NELL2: variants seen among roughly 807,000 people sequenced by gnomAD.
The protein encoded by NELL2 is protein kinase C-binding protein NELL2.
A neutral mutation model predicts 109.6 loss-of-function variants in NELL2; 41 were observed. That is an observed-to-expected ratio of 0.37 (90% CI 0.29 to 0.49). The LOEUF (loss-of-function observed/expected upper bound fraction) is 0.49, where lower values mean the gene tolerates loss of function less well. NELL2 is among the 20% of genes least tolerant of loss of function. The pLI, the probability that NELL2 is intolerant of heterozygous loss-of-function variation, is 0.98. For synonymous variants in NELL2, 355 were observed against 344.7 expected (o/e 1.03, Z -0.33); for missense variants, 900 against 1,008.3 (o/e 0.89, Z 1.45).
At chr12:44,742,733 G>A (rs34985115) in intron 9 of NELL2, among the ~76,000 whole-genome samples, 19,661 of 152,140 alleles carry the variant, frequency 0.13, 1,495 homozygotes, top group East Asian at 0.21. Context: ...GAAATGAAGC[G>A]AGAAGAGAAG....
chr12:44,773,029 T>G (rs952247888), intron 9 of NELL2, among the ~76,000 whole-genome samples: 1 of 152,248 alleles, frequency 6.6e-6, no homozygotes, highest in Non-Finnish European at 1.5e-5. Context: ...AGGCAAATGG[T>G]AAGATGAGAA....
At chr12:44,756,977 T>C (rs1940917566) in intron 9 of NELL2, among the ~76,000 whole-genome samples, 1 of 152,184 alleles carries the variant, frequency 6.6e-6, no homozygotes, top group Admixed American at 6.5e-5. Context: ...TATTTCCTCT[T>C]AGATGTCTAT....
chr12:44,913,613 A>G (rs1456276678), intron 1 of NELL2, among the ~76,000 whole-genome samples: 1 of 152,174 alleles, frequency 6.6e-6, no homozygotes, highest in Non-Finnish European at 1.5e-5. Context: ...TGAATTTAGC[A>G]AAGAAATTCC....
At chr12:44,907,110 T>C (rs1379561100) in intron 1 of NELL2, among the ~76,000 whole-genome samples, 2 of 152,100 alleles carry the variant, frequency 1.3e-5, no homozygotes, top group African/African-American at 4.8e-5. Context: ...CCTGCCACCA[T>C]GTGAAGGTTT....
chr12:44,758,660 C>A (rs1236395690), intron 9 of NELL2, among the ~76,000 whole-genome samples: 1 of 152,086 alleles, frequency 6.6e-6, no homozygotes, highest in Non-Finnish European at 1.5e-5. Flanking sequence ...ACAGATGAAC[C>A]TTGCCCTGTA....
rs148234385 is a variant in NELL2, at chr12:44,646,887, G to C, written c.1444+18597C>G. Among the ~76,000 whole-genome samples the C allele has an allele frequency of 4.8e-4, 73 of 152,250 alleles. No individual in the cohort carries two copies. In the East Asian group the frequency reaches 0.01, roughly 21 times the overall value. On this transcript the variant is annotated intron_variant, in intron 13 of 19. Transcript: ENST00000429094. ...ACTACTTAAAAGCTTACAAATTTGG[G>C]ATGCTACTTGAACTTCTCTAGCTTC...
In NELL2 at chr12:44,779,902, C is replaced by T; in HGVS notation, c.456G>A (p.Lys152=). ...GGGAAGCACTGATGGCTAAGGAGAG[C>T]TTGTGCCACTTGTCATCAGCCAAAA... The part of the protein sequence containing the change: ...PYILADDKWH[K]LSLAISASHL... Residue 152 remains lysine, a synonymous_variant, in exon 4 of 20, where the codon AAG becomes AAA. Transcript: ENST00000429094. 6 of 1,613,916 alleles carry T rather than the reference C, an allele frequency of 3.7e-6. No homozygotes were observed. Among genetic ancestry groups the T allele is most frequent in the Non-Finnish European group, 5.1e-6 (6 of 1,179,810 alleles).
intron 12 of NELL2, among the ~76,000 whole-genome samples, chr12:44,692,379 T>A (rs1346763700): frequency 6.6e-6 from 1 of 152,158 alleles, no homozygotes; most frequent in African/African-American, 2.4e-5. Flanking sequence ...TTGTGGCCCA[T>A]TGACAATGTA....
At chr12:44,592,840 C>T (rs1944809666) in intron 15 of NELL2, among the ~76,000 whole-genome samples, 1 of 152,182 alleles carries the variant, frequency 6.6e-6, no homozygotes, top group South Asian at 2.1e-4. Context: ...ACTTCATTAG[C>T]TTAATGGAAA....
At chr12:44,741,671 C>T (rs940565937) in intron 9 of NELL2, among the ~76,000 whole-genome samples, 7 of 152,220 alleles carry the variant, frequency 4.6e-5, no homozygotes, top group African/African-American at 1.2e-4. Flanking sequence ...GCATCTGGCT[C>T]GGAGGGTCCT....
At chr12:44,539,340 AC>A (rs1942437151) in intron 15 of NELL2, among the ~76,000 whole-genome samples, 2 of 152,158 alleles carry the variant, frequency 1.3e-5, no homozygotes, top group Non-Finnish European at 2.9e-5. Flanking sequence ...ACACAACAAA[AC>A]AGAACAAAAC....
intron 9 of NELL2, among the ~76,000 whole-genome samples, chr12:44,734,634 TTAAA>T (rs1326506900): frequency 6.6e-6 from 1 of 151,956 alleles, no homozygotes; most frequent in Non-Finnish European, 1.5e-5. Flanking sequence ...CACTCTTTTC[TTAAA>T]TAATAAAAAA....
At chr12:44,724,199 T>C (rs1472877708) in intron 9 of NELL2, among the ~76,000 whole-genome samples, 1 of 150,568 alleles carries the variant, frequency 6.6e-6, no homozygotes, top group Non-Finnish European at 1.5e-5. Flanking sequence ...ACTGAATACA[T>C]ATGGATGTTA....
intron 3 of NELL2, among the ~76,000 whole-genome samples, chr12:44,807,836 C>A (rs1377796433): frequency 6.6e-6 from 1 of 151,936 alleles, no homozygotes; most frequent in Non-Finnish European, 1.5e-5. Flanking sequence ...AGCAGGAGCA[C>A]CAAGTTGGTT....
intron 1 of NELL2, among the ~76,000 whole-genome samples, chr12:44,911,823 A>G (rs952407620): frequency 6.6e-6 from 1 of 151,846 alleles, no homozygotes; most frequent in Admixed American, 6.6e-5. Flanking sequence ...TGGTGACTAA[A>G]TCTTTCTGTG....
At chr12:44,832,482 T>C (rs138272805) in intron 2 of NELL2, among the ~76,000 whole-genome samples, 2 of 152,220 alleles carry the variant, frequency 1.3e-5, no homozygotes, top group South Asian at 2.1e-4. Flanking sequence ...AATTCTGTAA[T>C]TCTCCTTTTT....
At chr12:44,643,550 G>A (rs927775439) in intron 13 of NELL2, among the ~76,000 whole-genome samples, 1 of 152,078 alleles carries the variant, frequency 6.6e-6, no homozygotes, top group African/African-American at 2.4e-5. Flanking sequence ...ATGAGATACT[G>A]GGGGATTTTA....
intron 3 of NELL2, among the ~76,000 whole-genome samples, chr12:44,781,934 TA>T (rs1941977472): frequency 6.6e-6 from 1 of 151,648 alleles, no homozygotes; most frequent in Non-Finnish European, 1.5e-5. Context: ...AAATATAAAA[TA>T]AAAAGCTTTG....
At chr12:44,818,417 TG>T (rs1176097685) in intron 2 of NELL2, among the ~76,000 whole-genome samples, 2 of 152,140 alleles carry the variant, frequency 1.3e-5, no homozygotes, top group Non-Finnish European at 2.9e-5. Context: ...GGATGATAGA[TG>T]GGGGTGCAAA....
Sources: gnomAD v4.1 joint callset for allele counts (sites outside exome capture counted in the v4.1 genomes callset) on GRCh38, gnomAD v4.1.1 for gene constraint, MANE v1.5 for transcripts, NCBI Gene and HGNC (gene_info 2026-07-23, HGNC 2026-07-21) for gene names.